The following ZDHHC14 variants were observed in gnomAD, a reference collection of about 807,000 sequenced individuals.
The protein encoded by ZDHHC14 is zDHHC palmitoyltransferase 14.
ZDHHC14 carries 16 observed loss-of-function variants against 47.7 expected under a neutral mutation model. The observed-to-expected ratio is 0.34, with a 90% CI of 0.23 to 0.51. The LOEUF is 0.51. Among genes scored for constraint, ZDHHC14 ranks in the 20% least tolerant of loss-of-function variants. The probability of loss-of-function intolerance (pLI) is 0.97; values close to 1 mark genes in which losing one functional copy is unlikely to be tolerated. For missense variants in ZDHHC14, 515 were observed against 662.5 expected (o/e 0.78, Z 2.44); for synonymous variants, 293 against 278.9 (o/e 1.05, Z -0.50).
intron 1 of ZDHHC14, among the ~76,000 whole-genome samples, chr6:157,440,448 A>G (rs1418457703): frequency 6.6e-6 from 1 of 152,210 alleles, no homozygotes; most frequent in African/African-American, 2.4e-5. Flanking sequence ...AACCTTGTAC[A>G]TTGCTGGTGG....
At chr6:157,504,700 C>T (rs944006351) in intron 1 of ZDHHC14, among the ~76,000 whole-genome samples, 8 of 152,066 alleles carry the variant, frequency 5.3e-5, no homozygotes, top group African/African-American at 1.9e-4. Flanking sequence ...CGTGAGCCAC[C>T]GCGCCCGGCC....
At chr6:157,527,139 T>C (rs777826110) in intron 1 of ZDHHC14, among the ~76,000 whole-genome samples, 2 of 152,172 alleles carry the variant, frequency 1.3e-5, no homozygotes, top group Admixed American at 6.5e-5. Context: ...CAACGTTCTC[T>C]TCTATCGCTG....
chr6:157,662,499 C>T (rs532871592), intron 8 of ZDHHC14, among the ~76,000 whole-genome samples: 26 of 152,248 alleles, frequency 1.7e-4, no homozygotes, highest in Admixed American at 2.6e-4. Context: ...GGTTTTTAAA[C>T]GTTCAGTTGA....
At chr6:157,505,294 G>C (rs1476427737) in intron 1 of ZDHHC14, among the ~76,000 whole-genome samples, 1 of 152,176 alleles carries the variant, frequency 6.6e-6, no homozygotes, top group Non-Finnish European at 1.5e-5. Flanking sequence ...AGGATTGGAA[G>C]TATTGTTTTA....
intron 3 of ZDHHC14, among the ~76,000 whole-genome samples, chr6:157,609,130 T>G (rs1452603013): frequency 1.3e-5 from 2 of 152,204 alleles, no homozygotes; most frequent in Non-Finnish European, 2.9e-5. Context: ...TGTAATTCAG[T>G]GTAACTACCT....
chr6:157,438,711 C>G (rs893030895), intron 1 of ZDHHC14, among the ~76,000 whole-genome samples: 3 of 152,172 alleles, frequency 2.0e-5, no homozygotes, highest in Non-Finnish European at 1.5e-5. Flanking sequence ...TCCTGCTTAT[C>G]TCAGGCATTG....
At chr6:157,444,748 G>A (rs914846338) in intron 1 of ZDHHC14, among the ~76,000 whole-genome samples, 11 of 151,844 alleles carry the variant, frequency 7.2e-5, no homozygotes, top group African/African-American at 2.7e-4. Context: ...CACCTCAGTT[G>A]CAGAAGACAT....
intron 1 of ZDHHC14, among the ~76,000 whole-genome samples, chr6:157,388,991 G>A (rs917713391): frequency 1.3e-5 from 2 of 152,008 alleles, no homozygotes; most frequent in Non-Finnish European, 2.9e-5. Flanking sequence ...CAAACAATAC[G>A]TTGTTTAGTT....
At chr6:157,576,028 G>T (rs911264609) in intron 2 of ZDHHC14, among the ~76,000 whole-genome samples, 1 of 152,176 alleles carries the variant, frequency 6.6e-6, no homozygotes, top group African/African-American at 2.4e-5. Context: ...GGCCTTCTTT[G>T]CTCCTCCTGT....
At chr6:157,514,857 C>A (rs1780623212) in intron 1 of ZDHHC14, among the ~76,000 whole-genome samples, 1 of 152,148 alleles carries the variant, frequency 6.6e-6, no homozygotes, top group African/African-American at 2.4e-5. Flanking sequence ...GTGCTTGGGG[C>A]CTGGGTCTCA....
At chr6:157,669,827 C>G (rs1270061132) in intron 8 of ZDHHC14, among the ~76,000 whole-genome samples, 12 of 152,230 alleles carry the variant, frequency 7.9e-5, no homozygotes, top group East Asian at 3.9e-4. Flanking sequence ...TGGGCTCATT[C>G]CCAGGCCCGG....
chr6:157,478,434 A>G (rs529395115), intron 1 of ZDHHC14, among the ~76,000 whole-genome samples: 114 of 152,330 alleles, frequency 7.5e-4, no homozygotes, highest in African/African-American at 2.6e-3. Flanking sequence ...TGCTAATTTT[A>G]TAATTTATTT....
intron 1 of ZDHHC14, among the ~76,000 whole-genome samples, chr6:157,444,818 G>C (rs1388057381): frequency 6.6e-6 from 1 of 152,080 alleles, no homozygotes; most frequent in Non-Finnish European, 1.5e-5. Context: ...CGAGTGGAGG[G>C]GCCTTCCATG....
At chr6:157,505,993 G>A (rs1240105348) in intron 1 of ZDHHC14, among the ~76,000 whole-genome samples, 1 of 152,234 alleles carries the variant, frequency 6.6e-6, no homozygotes, top group African/African-American at 2.4e-5. Context: ...CTCTAGTGTA[G>A]ATAGCACCTG....
intron 1 of ZDHHC14, among the ~76,000 whole-genome samples, chr6:157,500,639 C>T (rs1359374906): frequency 6.6e-6 from 1 of 152,144 alleles, no homozygotes; most frequent in Non-Finnish European, 1.5e-5. Context: ...AGGGAAACAG[C>T]TTTGCTCTTA....
At chr6:157,477,177 C>T (rs1310763137) in intron 1 of ZDHHC14, among the ~76,000 whole-genome samples, 2 of 152,124 alleles carry the variant, frequency 1.3e-5, no homozygotes, top group Non-Finnish European at 2.9e-5. Context: ...GTCAGGAGTT[C>T]GAGGCCAGCC....
intron 8 of ZDHHC14, among the ~76,000 whole-genome samples, chr6:157,671,473 G>A (rs1290388255): frequency 6.6e-6 from 1 of 152,176 alleles, no homozygotes; most frequent in African/African-American, 2.4e-5. Flanking sequence ...TCAAAACACT[G>A]CTCCTGAATC....
chr6:157,619,141 G>A (rs922732649), intron 3 of ZDHHC14, among the ~76,000 whole-genome samples: 20 of 151,972 alleles, frequency 1.3e-4, no homozygotes, highest in African/African-American at 4.4e-4. Context: ...GATTTATGGG[G>A]AGGCCGAGGC....
intron 1 of ZDHHC14, among the ~76,000 whole-genome samples, chr6:157,404,718 C>G (rs1334386078): frequency 1.3e-5 from 2 of 151,946 alleles, no homozygotes; most frequent in African/African-American, 2.4e-5. Flanking sequence ...GAAGCTGGGT[C>G]CTTGTCTTTG....
Sources: gnomAD v4.1 joint callset for allele counts (sites outside exome capture counted in the v4.1 genomes callset) on GRCh38, gnomAD v4.1.1 for gene constraint, MANE v1.5 for transcripts, NCBI Gene and HGNC (gene_info 2026-07-23, HGNC 2026-07-21) for gene names.